ANAPC4: variants seen among roughly 807,000 people sequenced by gnomAD.
ANAPC4 encodes anaphase promoting complex subunit 4, also known as anaphase-promoting complex subunit 4.
In ANAPC4, 63 loss-of-function variants were observed where a neutral mutation model predicts 119.8. The ratio of observed to expected loss-of-function variants is 0.53; its 90% confidence interval spans 0.43 to 0.65. The LOEUF (loss-of-function observed/expected upper bound fraction) is 0.65. Ranked by LOEUF, ANAPC4 falls within the 30% of genes least tolerant of loss-of-function variation. The pLI is 0.00. For missense variants in ANAPC4, 716 were observed against 945.1 expected (o/e 0.76, Z 3.18); for synonymous variants, 283 against 318.6 (o/e 0.89, Z 1.19).
At chr4:25,378,352 A>C (rs1490089309) in intron 2 of ANAPC4, among the ~76,000 whole-genome samples, 2 of 152,206 alleles carry the variant, frequency 1.3e-5, no homozygotes, top group African/African-American at 2.4e-5. Flanking sequence ...GGTGATAAGG[A>C]AATCTTAGCA....
intron 4 of ANAPC4, among the ~76,000 whole-genome samples, 156 bp from the exon 5 acceptor site, chr4:25,388,344 G>A (rs1350074167): frequency 2.0e-5 from 3 of 151,992 alleles, no homozygotes; most frequent in Admixed American, 2.0e-4. Flanking sequence ...TCCTATTTGG[G>A]ACTGTTAAAC....
At chr4:25,411,088 C>T (rs1723534955) in intron 21 of ANAPC4, among the ~76,000 whole-genome samples, 2 of 152,124 alleles carry the variant, frequency 1.3e-5, no homozygotes, top group South Asian at 4.1e-4. Flanking sequence ...TTTTTCAAGG[C>T]AGAACCTATT....
At position 25,377,358 on chromosome 4, in the gene ANAPC4, C is replaced by G; in HGVS notation, c.-11+14C>G. On this transcript the variant is annotated intron_variant, in intron 1 of 28. Coordinates refer to ENST00000315368, the MANE Select transcript of ANAPC4 (RefSeq NM_013367.3). ...GGACTCTTGCAGGTACAGGCGCGGT[C>G]GGGGCTCCTCGTGGAGAGCCGGGGG... 2.5e-6 allele frequency: 4 copies of G among 1,588,328 alleles called. No homozygotes were observed. The highest frequency in any genetic ancestry group is 3.4e-6 in the Non-Finnish European group (4 of 1,167,494).
At chr4:25,388,960 A>C in intron 7 of ANAPC4, 78 bp downstream of exon 7, 2 of 1,207,832 alleles carry the variant, frequency 1.7e-6, no homozygotes, top group Non-Finnish European at 2.4e-6. Flanking sequence ...CTTTAAGAGC[A>C]AATCCTTTAT....
rs763266816 is a variant in ANAPC4 at position 25,394,327 on chromosome 4, A to G, written c.894A>G (p.Thr298=). ...TTTTCCAGGAAAAGAACACAACCACATCAGTGCAAGATGAGTTCATGCACT... is the reference window on the plus strand; with the variant it reads ...TTTTCCAGGAAAAGAACACAACCACGTCAGTGCAAGATGAGTTCATGCACT... ...TKFVQEKNTT[T]SVQDEFMHLL... Residue 298 remains threonine (T), a synonymous_variant, in exon 12 of 29, where the codon ACA becomes ACG. Coordinates refer to ENST00000315368, the MANE Select transcript of ANAPC4 (RefSeq NM_013367.3). 4 of 1,587,032 alleles carry G rather than the reference A, an allele frequency of 2.5e-6. No individual in the cohort carries two copies. Among genetic ancestry groups the G allele is most frequent in the Admixed American group, 3.9e-5 (2 of 51,282 alleles).
At chr4:25,395,945 G>A (rs1722625114) in intron 14 of ANAPC4, among the ~76,000 whole-genome samples, 1 of 152,168 alleles carries the variant, frequency 6.6e-6, no homozygotes, top group Non-Finnish European at 1.5e-5. Flanking sequence ...CCGTTAGAAT[G>A]GAGACCTTTG....
At chr4:25,398,830 A>G (rs1577386733) in intron 16 of ANAPC4, among the ~76,000 whole-genome samples, 2 of 151,982 alleles carry the variant, frequency 1.3e-5, no homozygotes, top group Admixed American at 6.6e-5. Flanking sequence ...TGGTGATAAT[A>G]AGGGAGTCAT....
chr4:25,387,579 C>T (rs921862389), intron 4 of ANAPC4, among the ~76,000 whole-genome samples: 6 of 152,332 alleles, frequency 3.9e-5, no homozygotes, highest in South Asian at 2.1e-4. Flanking sequence ...GTATTCCCAA[C>T]ATACTTTCTA....
chr4:25,390,304 G>T (rs372522116), intron 8 of ANAPC4, 84 bp downstream of exon 8: 3 of 1,004,410 alleles, frequency 3.0e-6, no homozygotes, highest in Admixed American at 2.7e-5. Flanking sequence ...TAAAACACTA[G>T]GTTTTTTTTC....
At chr4:25,378,414 G>A (rs749926966) in intron 2 of ANAPC4, among the ~76,000 whole-genome samples, 26 of 152,166 alleles carry the variant, frequency 1.7e-4, no homozygotes, top group Non-Finnish European at 3.4e-4. Flanking sequence ...CAGTCGCCAG[G>A]GTATTGATGT....
chr4:25,393,820 C>T lies in ANAPC4; in HGVS notation c.805C>T (p.Leu269=). The T allele has an allele frequency of 6.3e-7, 1 of 1,599,408 alleles. No individual in the cohort carries two copies. Residue 269 remains leucine (L), a synonymous_variant, in exon 11 of 29, where the codon CTA becomes TTA. Transcript: ENST00000315368. ...TTGCTAATAGTATATAAATTTGTCA[C>T]TAACATGTATGTGTGAAGCATGGGA... ...SALLQYINLS[L]TCMCEAWEEI...
intron 21 of ANAPC4, among the ~76,000 whole-genome samples, chr4:25,410,020 C>G (rs1723476064): frequency 6.6e-6 from 1 of 152,128 alleles, no homozygotes; most frequent in South Asian, 2.1e-4. Context: ...ATTGCTTATT[C>G]CTAAGTGTTC....
chr4:25,418,024 A>AT, intron 28 of ANAPC4, 131 bp from the exon 29 acceptor site: 1 of 971,518 alleles, frequency 1.0e-6, no homozygotes, highest in Non-Finnish European at 1.5e-6. Flanking sequence ...GAATTTATTG[A>AT]TTTTGTTGTA....
rs773905478 is a variant in ANAPC4 at position 25,415,490 on chromosome 4, T to A, written c.1851T>A (p.Ala617=). The A allele has an allele frequency of 6.2e-7, 1 of 1,613,396 alleles. No individual in the cohort carries two copies. Among genetic ancestry groups the A allele is most frequent in the South Asian group, 1.1e-5 (1 of 91,014 alleles). Residue 617 remains alanine, a synonymous_variant, in exon 26 of 29, where the codon GCT becomes GCA. Coordinates refer to ENST00000315368, the MANE Select transcript of ANAPC4 (RefSeq NM_013367.3). Reference sequence around the variant, plus strand: ...GATCTGTGAGTAATGGACTAATTGCTATTAAATTTGGGAGCTTTACATATG... The same window carrying A: ...GATCTGTGAGTAATGGACTAATTGCAATTAAATTTGGGAGCTTTACATATG... ...ISQSVSNGLI[A]IKFGSFTYAT...
intron 7 of ANAPC4, 64 bp from the exon 8 acceptor site, chr4:25,390,072 C>A: frequency 1.7e-6 from 2 of 1,156,788 alleles, no homozygotes; most frequent in Non-Finnish European, 1.3e-6. Flanking sequence ...TTATATCTCG[C>A]TTTAACAATG....
chr4:25,416,490 C>T lies in ANAPC4; in HGVS notation c.1967C>T (p.Thr656Ile). The T allele has an allele frequency of 6.2e-7, 1 of 1,608,026 alleles. No homozygotes were observed. Among genetic ancestry groups the T allele is most frequent in the Non-Finnish European group, 8.5e-7 (1 of 1,175,742 alleles). ...DETVTVVLKD[T>I]VGREGRDRLL... ...ACTGTAACAGTAGTTCTTAAAGACA[C>T]TGTAGGACGTGAAGGAAGAGATAGA... The change falls in exon 27 of 29, where the codon ACT becomes ATT. Residue 656 changes from threonine to isoleucine, a missense_variant. Coordinates refer to ENST00000315368, the MANE Select transcript of ANAPC4 (RefSeq NM_013367.3).
intron 21 of ANAPC4, among the ~76,000 whole-genome samples, chr4:25,411,321 C>T (rs1235374946): frequency 6.6e-6 from 1 of 152,174 alleles, no homozygotes; most frequent in Non-Finnish European, 1.5e-5. Flanking sequence ...ATCCAGGGAA[C>T]TTTGCCAGGC....
At chr4:25,387,615 C>T (rs146646812) in intron 4 of ANAPC4, among the ~76,000 whole-genome samples, 33 of 152,238 alleles carry the variant, frequency 2.2e-4, no homozygotes, top group African/African-American at 5.8e-4. Context: ...TGTTATGTGG[C>T]GATTCCAGGG....
chr4:25,386,528 T>A (rs1722046576), intron 4 of ANAPC4, among the ~76,000 whole-genome samples: 1 of 152,204 alleles, frequency 6.6e-6, no homozygotes, highest in Non-Finnish European at 1.5e-5. Flanking sequence ...CCATTTTATA[T>A]GGCCATGGTT....
Sources: gnomAD v4.1 joint callset for allele counts (sites outside exome capture counted in the v4.1 genomes callset) on GRCh38, gnomAD v4.1.1 for gene constraint, MANE v1.5 for transcripts, NCBI Gene and HGNC (gene_info 2026-07-23, HGNC 2026-07-21) for gene names.